YPEL2: variants seen among roughly 807,000 people sequenced by gnomAD.
YPEL2 encodes yippee like 2, also known as protein yippee-like 2.
In YPEL2, 2 loss-of-function variants were observed where a neutral mutation model predicts 19.1. The observed-to-expected ratio is 0.10, with a 90% CI of 0.04 to 0.33. YPEL2 has a LOEUF of 0.33. Among genes scored for constraint, YPEL2 ranks in the 10% least tolerant of loss-of-function variants. YPEL2 has a pLI of 1.00. For missense variants in YPEL2, 66 were observed against 140.7 expected (o/e 0.47, Z 2.68); for synonymous variants, 52 against 50.0 (o/e 1.04, Z -0.17).
chr17:59,370,851 A>T (rs2047893617), intron 2 of YPEL2, among the ~76,000 whole-genome samples: 1 of 151,746 alleles, frequency 6.6e-6, no homozygotes, highest in Non-Finnish European at 1.5e-5. Context: ...GACAAGAGGA[A>T]CTCAAGAGTC....
At chr17:59,395,054 G>T (rs544028523) in intron 4 of YPEL2, among the ~76,000 whole-genome samples, 1 of 152,366 alleles carries the variant, frequency 6.6e-6, no homozygotes, top group Non-Finnish European at 1.5e-5. Context: ...GTCCAGCTTC[G>T]GCTCGGCATC....
intron 2 of YPEL2, among the ~76,000 whole-genome samples, chr17:59,375,600 G>A (rs1379069825): frequency 6.6e-6 from 1 of 152,138 alleles, no homozygotes; most frequent in African/African-American, 2.4e-5. Context: ...CCGTTCACTC[G>A]AGTGATCAAG....
At chr17:59,380,841 T>C (rs538451217) in intron 2 of YPEL2, among the ~76,000 whole-genome samples, 4 of 152,220 alleles carry the variant, frequency 2.6e-5, no homozygotes, top group Non-Finnish European at 4.4e-5. Flanking sequence ...GAAAGTATCA[T>C]TGGGAGCTTC....
At chr17:59,339,780 A>G (rs2047718446) in intron 1 of YPEL2, among the ~76,000 whole-genome samples, 1 of 152,164 alleles carries the variant, frequency 6.6e-6, no homozygotes, top group Non-Finnish European at 1.5e-5. Context: ...TCTGGAAAGC[A>G]GGGGTCATCA....
chr17:59,332,023 GGTTT>G (rs2047673050), intron 1 of YPEL2, among the ~76,000 whole-genome samples, 199 bp downstream of exon 1: 1 of 151,670 alleles, frequency 6.6e-6, no homozygotes, highest in South Asian at 2.1e-4. Flanking sequence ...CCACGTGACC[GGTTT>G]GTTTACAAAC....
intron 2 of YPEL2, among the ~76,000 whole-genome samples, chr17:59,377,519 C>G (rs1201348621): frequency 6.6e-6 from 1 of 152,168 alleles, no homozygotes; most frequent in Non-Finnish European, 1.5e-5. Context: ...CATGGGCATC[C>G]CCCACTCCAT....
intron 1 of YPEL2, among the ~76,000 whole-genome samples, chr17:59,350,719 T>C (rs933964884): frequency 8.5e-5 from 13 of 152,188 alleles, no homozygotes; most frequent in Non-Finnish European, 1.8e-4. Flanking sequence ...CTGTAAACTT[T>C]TTTTGGGGGT....
At chr17:59,369,132 T>A (rs143221510) in intron 2 of YPEL2, among the ~76,000 whole-genome samples, 1 of 152,098 alleles carries the variant, frequency 6.6e-6, no homozygotes, top group Non-Finnish European at 1.5e-5. Context: ...CCCCAAATCA[T>A]TGAAAGCGGG....
At chr17:59,368,925 A>G (rs2047883727) in intron 2 of YPEL2, among the ~76,000 whole-genome samples, 1 of 152,224 alleles carries the variant, frequency 6.6e-6, no homozygotes. Flanking sequence ...ATAACATGCC[A>G]TAGCTGTTTA....
At chr17:59,338,080 A>G (rs1231209616) in intron 1 of YPEL2, among the ~76,000 whole-genome samples, 1 of 152,192 alleles carries the variant, frequency 6.6e-6, no homozygotes, top group Non-Finnish European at 1.5e-5. Flanking sequence ...TGGCTCAGCA[A>G]TACCTGGGTC....
chr17:59,332,183 C>A (rs1328580425), intron 1 of YPEL2, among the ~76,000 whole-genome samples: 1 of 152,016 alleles, frequency 6.6e-6, no homozygotes, highest in Non-Finnish European at 1.5e-5. Flanking sequence ...CTTCCTCCTC[C>A]GCGTCGTCCC....
intron 2 of YPEL2, among the ~76,000 whole-genome samples, chr17:59,379,917 G>A (rs1012435215): frequency 6.8e-6 from 1 of 147,692 alleles, no homozygotes; most frequent in African/African-American, 2.6e-5. Context: ...CTAGAGTGCA[G>A]TGGTGTGACC....
chr17:59,378,769 C>T (rs1446170780), intron 2 of YPEL2, among the ~76,000 whole-genome samples: 1 of 152,174 alleles, frequency 6.6e-6, no homozygotes, highest in Non-Finnish European at 1.5e-5. Flanking sequence ...ATATTTCCTC[C>T]TTTAGAGCCA....
chr17:59,362,265 GTT>G (rs111399720), intron 2 of YPEL2, among the ~76,000 whole-genome samples: 36 of 142,514 alleles, frequency 2.5e-4, no homozygotes, highest in Non-Finnish European at 2.3e-4. Flanking sequence ...GCATTCTATG[GTT>G]TTTTTTTTTT....
intron 1 of YPEL2, among the ~76,000 whole-genome samples, chr17:59,342,955 A>C (rs1270321450): frequency 6.6e-6 from 1 of 152,192 alleles, no homozygotes; most frequent in Non-Finnish European, 1.5e-5. Flanking sequence ...TTGGGAAGCT[A>C]ACCCAAGGGA....
chr17:59,375,529 G>C (rs1328907434), intron 2 of YPEL2, among the ~76,000 whole-genome samples: 1 of 152,180 alleles, frequency 6.6e-6, no homozygotes, highest in African/African-American at 2.4e-5. Flanking sequence ...GACTCAGAGG[G>C]TGTTCCCTCG....
At chr17:59,337,172 T>C (rs1390444620) in intron 1 of YPEL2, among the ~76,000 whole-genome samples, 1 of 150,332 alleles carries the variant, frequency 6.7e-6, no homozygotes, top group Non-Finnish European at 1.5e-5. Context: ...AAGAAGTTCA[T>C]GGGAGAAATT....
Position 59,399,247 on chromosome 17 carries a change from C to G in YPEL2, c.*2057C>G, listed in dbSNP as rs1031769667. 1 of 152,644 alleles carries G rather than the reference C, an allele frequency of 6.6e-6. No individual in the cohort carries two copies. The highest frequency in any genetic ancestry group is 1.5e-5 in the Non-Finnish European group (1 of 68,050). The allele number at this position is 152,644 out of a possible 1,614,324, so 9.5% of individuals were successfully genotyped here. A position where few individuals can be genotyped will look rare whatever the true frequency, so the allele number is the denominator to read the frequency against. On this transcript the variant is annotated 3_prime_UTR_variant, in exon 5 of 5. Transcript: ENST00000312655. The stretch of plus-strand genomic sequence containing the variant: ...CCATGGATTTCCCCTCTCTCCCTTC[C>G]CCCTCCTCAAGGAAATAGTCTTCCT...
At chr17:59,369,962 C>T (rs996969361) in intron 2 of YPEL2, among the ~76,000 whole-genome samples, 2 of 152,242 alleles carry the variant, frequency 1.3e-5, no homozygotes, top group African/African-American at 4.8e-5. Flanking sequence ...GAGAGATGTA[C>T]TACTGTTGTC....
Sources: allele counts gnomAD v4.1 joint callset (sites outside exome capture counted in the v4.1 genomes callset), GRCh38; gene constraint gnomAD v4.1.1; transcripts MANE v1.5; gene names NCBI Gene and HGNC (gene_info 2026-07-23, HGNC 2026-07-21).